The following ATP6V1A variants were observed in gnomAD, a reference collection of about 807,000 sequenced individuals.
ATP6V1A encodes V-type proton ATPase catalytic subunit A.
In ATP6V1A, 18 loss-of-function variants were observed where a neutral mutation model predicts 70.1. The observed-to-expected ratio is 0.26, with a 90% CI of 0.18 to 0.38. ATP6V1A has a LOEUF of 0.38. Among genes scored for constraint, ATP6V1A ranks in the 10% least tolerant of loss-of-function variants. ATP6V1A has a pLI of 1.00. For missense variants in ATP6V1A, 424 were observed against 772.4 expected, an observed-to-expected ratio of 0.55 and a Z score of 5.35; for synonymous variants, 232 against 253.8, an observed-to-expected ratio of 0.91 and a Z score of 0.82.
At chr3:113,778,537 C>T (rs1708942235) in intron 1 of ATP6V1A, among the ~76,000 whole-genome samples, 1 of 152,184 alleles carries the variant, frequency 6.6e-6, no homozygotes, top group Non-Finnish European at 1.5e-5. Context: ...TGTACCACCA[C>T]ACTCCAGCCT....
At position 113,781,051 on chromosome 3, in the gene ATP6V1A, G is replaced by A; in HGVS notation, c.84G>A (p.Val28=). Residue 28 remains valine (V), a splice_region_variant and synonymous_variant, in exon 3 of 15, where the codon GTG becomes GTA. Transcript: ENST00000273398. ...FGYVHGVSGP[V]VTACDMAGAA... ...AAAATAGTCTTTTGTTCTCTTCAGTGGTTACAGCCTGTGACATGGCGGGTG... is the reference window on the plus strand; with the variant it reads ...AAAATAGTCTTTTGTTCTCTTCAGTAGTTACAGCCTGTGACATGGCGGGTG... 1 of 1,605,512 alleles carries A rather than the reference G, an allele frequency of 6.2e-7. No individual in the cohort carries two copies. The highest frequency in any genetic ancestry group is 8.5e-7 in the Non-Finnish European group (1 of 1,177,068).
At chr3:113,804,463 C>A (rs1179594692) in intron 13 of ATP6V1A, among the ~76,000 whole-genome samples, 2 of 152,116 alleles carry the variant, frequency 1.3e-5, no homozygotes, top group Admixed American at 1.3e-4. Context: ...AATGCTACTA[C>A]TGAGGCTTGT....
At chr3:113,782,927 C>T (rs1708995937) in intron 3 of ATP6V1A, among the ~76,000 whole-genome samples, 1 of 151,946 alleles carries the variant, frequency 6.6e-6, no homozygotes, top group African/African-American at 2.4e-5. Context: ...CTTTTTTTCA[C>T]TTAAAAGTAT....
chr3:113,751,011 T>C (rs575490008), intron 1 of ATP6V1A, among the ~76,000 whole-genome samples: 17 of 152,314 alleles, frequency 1.1e-4, no homozygotes, highest in African/African-American at 3.6e-4. Context: ...ATATTTTCTA[T>C]ATAAAGATTT....
intron 1 of ATP6V1A, among the ~76,000 whole-genome samples, chr3:113,749,334 G>C (rs940039932): frequency 2.6e-5 from 4 of 151,374 alleles, no homozygotes; most frequent in Non-Finnish European, 5.9e-5. Flanking sequence ...ACATTTCTGA[G>C]ACTAGCCTTA....
At chr3:113,792,731 G>C (rs1157252791) in intron 8 of ATP6V1A, among the ~76,000 whole-genome samples, 1 of 152,172 alleles carries the variant, frequency 6.6e-6, no homozygotes, top group East Asian at 1.9e-4. Flanking sequence ...CTTCAAAAGG[G>C]CTAACTGTGG....
intron 3 of ATP6V1A, among the ~76,000 whole-genome samples, chr3:113,782,777 C>T (rs1299073071): frequency 6.6e-6 from 1 of 151,636 alleles, no homozygotes; most frequent in Non-Finnish European, 1.5e-5. Context: ...CACGTGCCAG[C>T]ATGCCCGGCT....
chr3:113,753,013 G>A (rs1708604606), intron 1 of ATP6V1A, among the ~76,000 whole-genome samples: 1 of 151,974 alleles, frequency 6.6e-6, no homozygotes, highest in African/African-American at 2.4e-5. Flanking sequence ...TGGAAACGAA[G>A]GATTCTTTAG....
At chr3:113,776,963 A>G (rs753561386) in intron 1 of ATP6V1A, among the ~76,000 whole-genome samples, 8 of 152,196 alleles carry the variant, frequency 5.3e-5, no homozygotes, top group Admixed American at 4.6e-4. Flanking sequence ...TATCTTCTCT[A>G]AACATTCTAA....
chr3:113,747,282 A>G (rs1005029461), intron 1 of ATP6V1A, 169 bp downstream of exon 1: 1 of 152,330 alleles, frequency 6.6e-6, no homozygotes, highest in East Asian at 1.9e-4. Context: ...CGCTCCCCCA[A>G]GTGTGGTCGT....
chr3:113,794,604 G>A (rs1353379904), intron 8 of ATP6V1A, among the ~76,000 whole-genome samples: 1 of 152,164 alleles, frequency 6.6e-6, no homozygotes, highest in Admixed American at 6.5e-5. Flanking sequence ...AAAGAGTATG[G>A]AAGAGCGTGT....
At chr3:113,752,798 C>T (rs1203338863) in intron 1 of ATP6V1A, among the ~76,000 whole-genome samples, 1 of 151,940 alleles carries the variant, frequency 6.6e-6, no homozygotes, top group African/African-American at 2.4e-5. Flanking sequence ...ACTTGCTCAT[C>T]TAGAAGAAAA....
chr3:113,798,188 A>T, intron 11 of ATP6V1A, 55 bp from the exon 12 acceptor site: 2 of 1,570,818 alleles, frequency 1.3e-6, no homozygotes, highest in Non-Finnish European at 1.7e-6. Context: ...GGTATTTTTT[A>T]ACTTTGTTTT....
At chr3:113,808,817 T>C (rs1264015603) in intron 14 of ATP6V1A, among the ~76,000 whole-genome samples, 1 of 152,144 alleles carries the variant, frequency 6.6e-6, no homozygotes, top group Admixed American at 6.5e-5. Context: ...TCAGGCAAAA[T>C]GCAAAATTAA....
At chr3:113,802,473 G>A (rs1439145665) in intron 12 of ATP6V1A, among the ~76,000 whole-genome samples, 1 of 151,366 alleles carries the variant, frequency 6.6e-6, no homozygotes, top group East Asian at 2.0e-4. Flanking sequence ...TGGGACTACA[G>A]GCGCCCTACC....
At chr3:113,764,453 A>G (rs1708744031) in intron 1 of ATP6V1A, among the ~76,000 whole-genome samples, 1 of 152,226 alleles carries the variant, frequency 6.6e-6, no homozygotes, top group South Asian at 2.1e-4. Context: ...TATGTAAAAA[A>G]AATTAATTGG....
At chr3:113,749,263 T>TCACACACACA (rs58516178) in intron 1 of ATP6V1A, among the ~76,000 whole-genome samples, 111 of 141,258 alleles carry the variant, frequency 7.9e-4, no homozygotes, top group African/African-American at 2.4e-3. Context: ...TATACACAGA[T>TCACACACACA]CACACACACA....
rs767069658 is a variant in ATP6V1A, at chr3:113,784,437, G to C, written c.425G>C (p.Arg142Pro). ...KWDFTPCKNLRVGSHITGGDI... is the reference protein window; with the variant it reads ...KWDFTPCKNLPVGSHITGGDI... The stretch of plus-strand genomic sequence containing the variant: ...GACTTTACACCTTGCAAAAACCTAC[G>C]GGTATGTCTGTGTAACCAAGAATTT... Residue 142 changes from arginine (R) to proline (P), a missense_variant and splice_region_variant, in exon 4 of 15, where the codon CGG becomes CCG. Physicochemically the swap from Arg to Pro is moderately radical, Grantham distance 103 (BLOSUM62 -2). Transcript: ENST00000273398. 1 of 1,603,388 alleles carries C rather than the reference G, an allele frequency of 6.2e-7. No homozygotes were observed.
intron 6 of ATP6V1A, among the ~76,000 whole-genome samples, 153 bp from the exon 7 acceptor site, chr3:113,788,560 G>T (rs1709060768): frequency 1.3e-5 from 2 of 151,672 alleles, no homozygotes; most frequent in Admixed American, 6.6e-5. Context: ...TGGCCAGTCT[G>T]GTCTCGAACT....
Sources: allele counts gnomAD v4.1 joint callset (sites outside exome capture counted in the v4.1 genomes callset), GRCh38; gene constraint gnomAD v4.1.1; transcripts MANE v1.5; gene names NCBI Gene and HGNC (gene_info 2026-07-23, HGNC 2026-07-21).